Variants in CPEB3 observed in about 807,000 individuals in gnomAD.
CPEB3 encodes the protein cytoplasmic polyadenylation element binding protein 3.
Under a neutral mutation model 67.2 loss-of-function variants are expected in CPEB3, and 20 were observed. The ratio of observed to expected loss-of-function variants is 0.30; its 90% CI spans 0.21 to 0.43. The LOEUF (loss-of-function observed/expected upper bound fraction) is 0.43. CPEB3 is among the 20% of genes least tolerant of loss of function. The pLI, the probability that CPEB3 is intolerant of heterozygous loss-of-function variation, is 1.00. For synonymous variants in CPEB3, 376 were observed against 393.1 expected (o/e 0.96, Z 0.51); for missense variants, 746 against 968.6 (o/e 0.77, Z 3.05).
intron 1 of CPEB3, among the ~76,000 whole-genome samples, chr10:92,279,035 T>C (rs1842135013): frequency 6.6e-6 from 1 of 152,178 alleles, no homozygotes; most frequent in South Asian, 2.1e-4. Context: ...TTATTTCTTT[T>C]TCTTGACTAA....
intron 1 of CPEB3, among the ~76,000 whole-genome samples, chr10:92,278,107 C>T (rs6583806): frequency 0.1 from 15,762 of 151,548 alleles, 2,715 homozygotes; most frequent in African/African-American, 0.36. Context: ...ACTGCTTGAA[C>T]CCAGGAAGAG....
chr10:92,147,968 C>A lies in CPEB3; in HGVS notation c.1223-2883G>T, dbSNP rs145871488. 1.3e-4 allele frequency among the ~76,000 whole-genome samples: 20 copies of A among 152,246 alleles called. No homozygotes were observed. In the East Asian group the frequency reaches 3.7e-3, roughly 28 times the overall value. On this transcript the variant is annotated intron_variant, in intron 4 of 9. Transcript: ENST00000265997. ...TTGACATCTCCCTTTCTCTTATACT[C>A]CACGTCAAATCCATCTCTCACTAAA...
Position 92,239,508 on chromosome 10 carries a change from C to A in CPEB3, c.843G>T (p.Gly281=). The A allele has an allele frequency of 6.3e-7, 1 of 1,576,826 alleles. No individual in the cohort carries two copies. Among genetic ancestry groups the A allele is most frequent in the East Asian group, 2.3e-5 (1 of 43,602 alleles). Residue 281 remains glycine (G), a synonymous_variant, in exon 2 of 10, where the codon GGG becomes GGT. Transcript: ENST00000265997. The surrounding 1 kb of genome is among the most constrained non-coding windows in gnomAD (Gnocchi z 6.0). ...AVGVGVGVGV[G]VPSPLNPISP... ...AGATGGGGTTGAGCGGGGAAGGCAC[C>A]CCGACACCCACACCCACGCCCACAC...
At chr10:92,059,255 G>A (rs1184244741) in intron 9 of CPEB3, among the ~76,000 whole-genome samples, 1 of 147,226 alleles carries the variant, frequency 6.8e-6, no homozygotes, top group Non-Finnish European at 1.5e-5. Context: ...AACCTGGGAG[G>A]TGGAGGTTAC....
rs1257406585 is a variant in CPEB3 at position 92,115,646 on chromosome 10, A to G, written c.1454-4452T>C. ...TTATTCCTGTTTCTTTGAGGAATAG[A>G]CTATCCTGCGTTAAATTCTACATTG... On this transcript the variant is annotated intron_variant, in intron 6 of 9. Coordinates refer to ENST00000265997, the MANE Select transcript of CPEB3 (RefSeq NM_014912.5). Among the ~76,000 whole-genome samples the G allele has an allele frequency of 3.1e-4, 47 of 152,312 alleles. 1 individual carries two copies. The South Asian group carries it at 9.8e-3, about 32-fold the overall frequency.
At chr10:92,243,608 T>C (rs1033776827) in intron 1 of CPEB3, among the ~76,000 whole-genome samples, 20 of 152,218 alleles carry the variant, frequency 1.3e-4, no homozygotes, top group East Asian at 3.9e-4. Context: ...TAGCTAGCAA[T>C]AGGAATCCTA....
rs139769270 is a variant in CPEB3, at chr10:92,054,449, G to A, written c.1870-2010C>T. ...TACATCTTTTTTTTTTTGAGACGGC[G>A]TCTCACTCTTGTTGCCCAGGCTGGA... On this transcript the variant is annotated intron_variant, in intron 9 of 9. Transcript: ENST00000265997. Among the ~76,000 whole-genome samples the A allele has an allele frequency of 3.0e-3, 445 of 150,734 alleles. 3 individuals are homozygous for A. Among genetic ancestry groups the A allele is most frequent in the African/African-American group, 0.01 (429 of 40,996 alleles).
chr10:92,134,481 G>C (rs1351702166), intron 6 of CPEB3, among the ~76,000 whole-genome samples: 1 of 151,794 alleles, frequency 6.6e-6, no homozygotes, highest in Non-Finnish European at 1.5e-5. Context: ...TCTTCAAGGA[G>C]AACTACAAAC....
At chr10:92,247,216 A>AT (rs1196480492) in intron 1 of CPEB3, among the ~76,000 whole-genome samples, 2 of 151,960 alleles carry the variant, frequency 1.3e-5, no homozygotes, top group African/African-American at 4.8e-5. Context: ...TACCTTCTTT[A>AT]TTTTTTTATT....
intron 9 of CPEB3, among the ~76,000 whole-genome samples, chr10:92,076,606 G>A (rs903419204): frequency 1.4e-5 from 2 of 147,240 alleles, no homozygotes; most frequent in African/African-American, 5.0e-5. Flanking sequence ...TAGAGATGGG[G>A]TCTCCGTATG....
chr10:92,254,860 A>AT (rs1852453726), intron 1 of CPEB3, among the ~76,000 whole-genome samples: 1 of 150,818 alleles, frequency 6.6e-6, no homozygotes, highest in Admixed American at 6.6e-5. Flanking sequence ...TTATTTTTTT[A>AT]TTTTTTATTT....
intron 6 of CPEB3, among the ~76,000 whole-genome samples, chr10:92,112,393 C>T (rs1844794377): frequency 6.6e-6 from 1 of 152,160 alleles, no homozygotes; most frequent in Non-Finnish European, 1.5e-5. Flanking sequence ...GATCCATCTG[C>T]CTCGGCCTCC....
chr10:92,065,780 T>C (rs904890029), intron 9 of CPEB3, among the ~76,000 whole-genome samples: 1 of 152,162 alleles, frequency 6.6e-6, no homozygotes, highest in African/African-American at 2.4e-5. Flanking sequence ...AACTCACACC[T>C]GGGTTTTGCC....
At chr10:92,279,761 G>A (rs1842172697) in intron 1 of CPEB3, among the ~76,000 whole-genome samples, 1 of 152,096 alleles carries the variant, frequency 6.6e-6, no homozygotes, top group Non-Finnish European at 1.5e-5. Context: ...TAAAAACTAG[G>A]GAGGCCAAGA....
intron 7 of CPEB3, among the ~76,000 whole-genome samples, chr10:92,098,341 T>C (rs1195351378): frequency 6.6e-6 from 1 of 151,992 alleles, no homozygotes; most frequent in Non-Finnish European, 1.5e-5. Flanking sequence ...GGAGTTTCGC[T>C]CTTGTTGCCC....
chr10:92,204,665 A>G (rs1849692414), intron 2 of CPEB3, among the ~76,000 whole-genome samples: 2 of 152,214 alleles, frequency 1.3e-5, no homozygotes, highest in South Asian at 4.1e-4. Flanking sequence ...TAGTGGAAGG[A>G]AAATGGTAAA....
At chr10:92,250,750 C>T (rs1852257819) in intron 1 of CPEB3, among the ~76,000 whole-genome samples, 1 of 151,844 alleles carries the variant, frequency 6.6e-6, no homozygotes, top group African/African-American at 2.4e-5. Flanking sequence ...AGTGCAGTGG[C>T]ATAATTGCGG....
chr10:92,187,811 T>G (rs2134137806), intron 3 of CPEB3, among the ~76,000 whole-genome samples: 1 of 152,296 alleles, frequency 6.6e-6, no homozygotes, highest in South Asian at 2.1e-4. Context: ...AGAGTTGCAT[T>G]TTCCTTCAAT....
chr10:92,126,641 T>C (rs1845619863), intron 6 of CPEB3, among the ~76,000 whole-genome samples: 2 of 152,218 alleles, frequency 1.3e-5, no homozygotes, highest in Non-Finnish European at 2.9e-5. Flanking sequence ...TCCAGCCTTG[T>C]AAATAACAGC....
Sources: gnomAD v4.1 joint callset for allele counts (sites outside exome capture counted in the v4.1 genomes callset) on GRCh38, gnomAD v4.1.1 for gene constraint, Gnocchi (gnomAD v3.1) non-coding constraint, MANE v1.5 for transcripts, NCBI Gene and HGNC (gene_info 2026-07-23, HGNC 2026-07-21) for gene names.